The following MCCC1 variants were observed in gnomAD, a reference collection of about 807,000 sequenced individuals.
MCCC1 encodes methylcrotonyl-CoA carboxylase subunit 1.
MCCC1 carries 64 observed loss-of-function variants against 83.8 expected under a neutral mutation model. That is an observed-to-expected ratio of 0.76 (90% confidence interval 0.62 to 0.94). The LOEUF is 0.94. MCCC1 is among the 40% of genes least tolerant of loss of function. The pLI, the probability that MCCC1 is intolerant of heterozygous loss-of-function variation, is 0.00. For synonymous variants in MCCC1, 322 were observed against 315.4 expected (o/e 1.02, Z -0.22); for missense variants, 807 against 904.7 (o/e 0.89, Z 1.39).
intron 1 of MCCC1, 72 bp downstream of exon 1, chr3:183,099,280 C>G: frequency 6.6e-7 from 1 of 1,518,570 alleles, no homozygotes. Flanking sequence ...CGCCGCACCT[C>G]CCACCGCTCA....
chr3:183,088,680 T>C (rs1280078587), intron 3 of MCCC1, among the ~76,000 whole-genome samples: 1 of 152,232 alleles, frequency 6.6e-6, no homozygotes, highest in African/African-American at 2.4e-5. Context: ...TATTCCTAAC[T>C]AGTCATATAT....
At chr3:183,034,377 G>A (rs1713354758) in intron 13 of MCCC1, among the ~76,000 whole-genome samples, 1 of 151,366 alleles carries the variant, frequency 6.6e-6, no homozygotes, top group Admixed American at 6.6e-5. Flanking sequence ...CGTGAATCCG[G>A]GAGGTGGAGC....
At chr3:183,103,810 G>A (rs980969532), upstream of MCCC1, among the ~76,000 whole-genome samples, 11 of 152,170 alleles carry the variant, frequency 7.2e-5, no homozygotes, top group Non-Finnish European at 1.3e-4. Context: ...GGCGCTCATC[G>A]GGAAGGCTCG....
Position 183,025,810 on chromosome 3 carries a change from T to C in MCCC1, c.1682-6A>G, listed in dbSNP as rs767892969. The C allele has an allele frequency of 1.2e-6, 2 of 1,611,592 alleles. No homozygotes were observed. The highest frequency in any genetic ancestry group is 1.7e-6 in the Non-Finnish European group (2 of 1,178,044). ...CGTTACAGCTATGGCTACATCTTTA[T>C]GGAAAAAGGGAAAAAATGAAGAAAA... is the stretch of plus-strand genomic sequence containing the variant. On this transcript the variant is annotated splice_polypyrimidine_tract_variant and splice_region_variant and intron_variant, in intron 14 of 18. Transcript: ENST00000265594.
intron 1 of MCCC1, among the ~76,000 whole-genome samples, chr3:183,113,263 G>T (rs978927117): frequency 1.3e-5 from 2 of 151,464 alleles, no homozygotes; most frequent in Non-Finnish European, 2.9e-5. Context: ...AGTGGTGGGA[G>T]CCTGTGGTTC....
At chr3:183,105,605 C>T (rs573115411) in intron 1 of MCCC1, among the ~76,000 whole-genome samples, 5 of 152,208 alleles carry the variant, frequency 3.3e-5, no homozygotes, top group African/African-American at 1.2e-4. Context: ...TTATTGTACA[C>T]CCTTTTGCAT....
chr3:183,036,766 C>A (rs1328662496), intron 13 of MCCC1, among the ~76,000 whole-genome samples: 1 of 152,042 alleles, frequency 6.6e-6, no homozygotes, highest in African/African-American at 2.4e-5. Flanking sequence ...GTCTTGATCT[C>A]CTGACATCAT....
rs566258919 is a variant in MCCC1 at position 183,064,328 on chromosome 3, G to A, written c.761+6671C>T. 7.9e-5 allele frequency among the ~76,000 whole-genome samples: 12 copies of A among 151,782 alleles called. No individual in the cohort carries two copies. The East Asian group carries it at 2.3e-3, about 29-fold the overall frequency. ...TGTATTCCCACAAGTGGTATATATC[G>A]TAAATATTAAAATGATCATTGTTTT... is the stretch of plus-strand genomic sequence containing the variant. On this transcript the variant is annotated intron_variant, in intron 7 of 18. Coordinates refer to ENST00000265594, the MANE Select transcript of MCCC1 (RefSeq NM_020166.5). This position sits in a 1 kb window ranked among gnomAD's most constrained non-coding sequence, Gnocchi z 4.5.
Position 183,071,013 on chromosome 3 carries a change from A to G in MCCC1, c.747T>C (p.Phe249=), listed in dbSNP as rs762688221. ...FNDDAMLIEK[F]VDTPRHVEVQ... The stretch of plus-strand genomic sequence containing the variant: ...GGCCAACCCACCTCGGTGTGTCTAC[A>G]AACTTCTCGATCAGCATAGCATCAT... Residue 249 remains phenylalanine, a synonymous_variant, in exon 7 of 19, where the codon TTT becomes TTC. Coordinates refer to ENST00000265594, the MANE Select transcript of MCCC1 (RefSeq NM_020166.5). 6.2e-7 allele frequency: 1 copy of G among 1,614,084 alleles called. No homozygotes were observed. Among genetic ancestry groups the G allele is most frequent in the Non-Finnish European group, 8.5e-7 (1 of 1,179,962 alleles).
At chr3:183,049,782 C>A (rs139792499) in intron 9 of MCCC1, among the ~76,000 whole-genome samples, 81 of 152,030 alleles carry the variant, frequency 5.3e-4, no homozygotes, top group African/African-American at 1.9e-3. Flanking sequence ...TGAAATGAAC[C>A]AATTCCTTCA....
chr3:183,038,846 A>G (rs917602931), intron 12 of MCCC1, among the ~76,000 whole-genome samples, 180 bp downstream of exon 12: 2 of 152,254 alleles, frequency 1.3e-5, no homozygotes, highest in Non-Finnish European at 2.9e-5. Context: ...ACTGAAATGA[A>G]GAAGTCCTCA....
intron 3 of MCCC1, chr3:183,090,813 C>T (rs1210656611): frequency 6.0e-6 from 2 of 331,564 alleles, no homozygotes; most frequent in Non-Finnish European, 1.2e-5. Context: ...GGTCTCGAAC[C>T]CTGACCTCAG....
At position 183,086,687 on chromosome 3, in the gene MCCC1, C is replaced by T. The variant is rs761958217; in HGVS notation, c.369+6G>A. ...TTTGCACTGCAAATCTCTTCACAAC[C>T]CTCACCTGTGCAGCAGAGGTCTTGG... On this transcript the variant is annotated splice_donor_region_variant and intron_variant, in intron 4 of 18. Transcript: ENST00000265594. 3 of 1,613,484 alleles carry T rather than the reference C, an allele frequency of 1.9e-6. No homozygotes were observed. Among genetic ancestry groups the T allele is most frequent in the African/African-American group, 2.7e-5 (2 of 75,026 alleles).
chr3:183,051,884 A>G (rs1056374060), intron 9 of MCCC1, among the ~76,000 whole-genome samples: 5 of 152,246 alleles, frequency 3.3e-5, no homozygotes, highest in African/African-American at 9.6e-5. Flanking sequence ...AAGTAAAAAA[A>G]TCAATCTAGT....
At chr3:183,098,645 G>C (rs1718916064) in intron 1 of MCCC1, 1 of 152,380 alleles carries the variant, frequency 6.6e-6, no homozygotes, top group Non-Finnish European at 1.5e-5. Flanking sequence ...ACAAGCCTGA[G>C]GGTTTTTTCA....
At chr3:183,020,477 C>A (rs1712062349) in intron 16 of MCCC1, among the ~76,000 whole-genome samples, 1 of 151,846 alleles carries the variant, frequency 6.6e-6, no homozygotes, top group Non-Finnish European at 1.5e-5. Context: ...ACAAAAAATA[C>A]AAAAATCAGC....
intron 9 of MCCC1, among the ~76,000 whole-genome samples, chr3:183,049,636 A>G (rs1447081851): frequency 6.6e-6 from 1 of 152,040 alleles, no homozygotes. Flanking sequence ...GTTAACTAAG[A>G]AAAAAAGAAG....
At chr3:183,091,018 T>C (rs1386678153) in intron 3 of MCCC1, 1 of 456,614 alleles carries the variant, frequency 2.2e-6, no homozygotes, top group Non-Finnish European at 4.4e-6. Flanking sequence ...CTCTGTGAAA[T>C]CAAGATCATC....
rs774659970 is a variant in MCCC1, at chr3:183,037,362, C to T, written c.1450G>A (p.Val484Met). The T allele has an allele frequency of 3.1e-6, 5 of 1,614,006 alleles. No homozygotes were observed. Among genetic ancestry groups the T allele is most frequent in the East Asian group, 2.2e-5 (1 of 44,874 alleles). The stretch of plus-strand genomic sequence containing the variant: ...TGTTGAGGGATGAAATCAGTGTGCA[C>T]GTTCCCAGCTTCAAACTCTGGGTGG... The part of the protein sequence containing the change: ...SGHPEFEAGN[V>M]HTDFIPQHHK... Residue 484 changes from valine (V) to methionine (M), a missense_variant, in exon 13 of 19, where the codon GTG (valine) becomes ATG (methionine). Coordinates refer to ENST00000265594, the MANE Select transcript of MCCC1 (RefSeq NM_020166.5).
Sources: allele counts gnomAD v4.1 joint callset (sites outside exome capture counted in the v4.1 genomes callset), GRCh38; gene constraint gnomAD v4.1.1; non-coding constraint Gnocchi (gnomAD v3.1); transcripts MANE v1.5; gene names NCBI Gene and HGNC (gene_info 2026-07-23, HGNC 2026-07-21).